Variants in AKAP10 observed in about 807,000 individuals in gnomAD.
The protein encoded by AKAP10 is A-kinase anchoring protein 10.
A neutral mutation model predicts 80.8 loss-of-function variants in AKAP10; 24 were observed. The observed-to-expected ratio is 0.30, with a 90% CI of 0.22 to 0.42. The LOEUF (loss-of-function observed/expected upper bound fraction) is 0.42. Among genes scored for constraint, AKAP10 ranks in the 10% least tolerant of loss-of-function variants. The probability of loss-of-function intolerance (pLI) is 1.00; values close to 1 mark genes in which losing one functional copy is unlikely to be tolerated. For synonymous variants in AKAP10, 291 were observed against 277.7 expected (o/e 1.05, Z -0.48); for missense variants, 661 against 794.9 (o/e 0.83, Z 2.03).
At position 19,957,526 on chromosome 17, in the gene AKAP10, C is replaced by T. The variant is rs2043292973; in HGVS notation, c.877+488G>A. On this transcript the variant is annotated intron_variant, in intron 4 of 14. Coordinates refer to ENST00000225737, the MANE Select transcript of AKAP10 (RefSeq NM_007202.4). Reference sequence around the variant, plus strand: ...CTCCAGCCTGGGCGACAGAGCAAGACTCCATCTCAAAAAAAAAAAGATAAT... The same window carrying T: ...CTCCAGCCTGGGCGACAGAGCAAGATTCCATCTCAAAAAAAAAAAGATAAT... 2.3e-5 allele frequency among the ~76,000 whole-genome samples: 3 copies of T among 128,668 alleles called. No individual in the cohort carries two copies. The South Asian group carries it at 6.9e-4, about 29-fold the overall frequency. 84.4% of individuals were successfully genotyped at this position (128,668 alleles called of 152,430 possible). A position where few individuals can be genotyped will look rare whatever the true frequency, so the allele number is the denominator to read the frequency against.
At chr17:19,949,383 G>T (rs1427350182) in intron 4 of AKAP10, among the ~76,000 whole-genome samples, 1 of 151,996 alleles carries the variant, frequency 6.6e-6, no homozygotes, top group East Asian at 1.9e-4. Flanking sequence ...AAGAAGTAAG[G>T]AAAGCCTCAG....
chr17:19,965,346 T>C (rs937174016), intron 2 of AKAP10, among the ~76,000 whole-genome samples: 4 of 152,238 alleles, frequency 2.6e-5, no homozygotes, highest in African/African-American at 9.6e-5. Context: ...CAAGTCTTTC[T>C]GTATTATAAC....
intron 8 of AKAP10, among the ~76,000 whole-genome samples, chr17:19,937,899 T>C (rs1263619551): frequency 6.6e-6 from 1 of 151,982 alleles, no homozygotes; most frequent in Non-Finnish European, 1.5e-5. Flanking sequence ...ATCTGGTATG[T>C]CTTCTAAAAA....
chr17:19,945,024 C>T (rs1037507134), intron 5 of AKAP10, among the ~76,000 whole-genome samples: 1 of 152,148 alleles, frequency 6.6e-6, no homozygotes, highest in South Asian at 2.1e-4. Flanking sequence ...ATAATTTGGA[C>T]AGGATTAAGA....
At chr17:19,913,153 GTTTT>G (rs71357404) in intron 12 of AKAP10, among the ~76,000 whole-genome samples, 1 of 108,956 alleles carries the variant, frequency 9.2e-6, no homozygotes. Context: ...CTGGCTAATT[GTTTT>G]TTTTTTTTTT....
At chr17:19,962,279 CATACATACATACATAT>C (rs2043359513) in intron 3 of AKAP10, among the ~76,000 whole-genome samples, 1 of 140,408 alleles carries the variant, frequency 7.1e-6, no homozygotes, top group African/African-American at 2.7e-5. Context: ...TACATACATA[CATACATACATACATAT>C]ACACACACAC....
chr17:19,971,477 C>G (rs2043497127), intron 1 of AKAP10, among the ~76,000 whole-genome samples: 1 of 151,098 alleles, frequency 6.6e-6, no homozygotes, highest in Non-Finnish European at 1.5e-5. Flanking sequence ...CCACTGCACT[C>G]CAGCCTGGGC....
chr17:19,919,895 T>A, intron 12 of AKAP10, 141 bp downstream of exon 12: 1 of 625,580 alleles, frequency 1.6e-6, no homozygotes, highest in Non-Finnish European at 2.6e-6. Flanking sequence ...CCCTTGTACT[T>A]ACTTCTGACT....
intron 14 of AKAP10, 70 bp downstream of exon 14, chr17:19,909,111 T>G: frequency 7.3e-7 from 1 of 1,361,906 alleles, no homozygotes; most frequent in Non-Finnish European, 1.0e-6. Flanking sequence ...AGAAACCCCT[T>G]ATGTTCTTTT....
intron 4 of AKAP10, among the ~76,000 whole-genome samples, chr17:19,954,573 C>T (rs1456331684): frequency 6.6e-6 from 1 of 151,520 alleles, no homozygotes; most frequent in African/African-American, 2.4e-5. Flanking sequence ...CAAGCTCCAC[C>T]TCCCGGGTTC....
At chr17:19,934,642 C>T (rs1055258742) in intron 9 of AKAP10, among the ~76,000 whole-genome samples, 9 of 152,192 alleles carry the variant, frequency 5.9e-5, no homozygotes, top group African/African-American at 1.9e-4. Context: ...CATTACCTTA[C>T]TTTAATCATC....
chr17:19,976,371 C>G, intron 1 of AKAP10, among the ~76,000 whole-genome samples: 1 of 151,782 alleles, frequency 6.6e-6, no homozygotes, highest in East Asian at 2.0e-4. Flanking sequence ...ATCCCAGCTA[C>G]TTGGGAGGCT....
At chr17:19,961,699 A>G (rs2043351269) in intron 3 of AKAP10, among the ~76,000 whole-genome samples, 2 of 152,354 alleles carry the variant, frequency 1.3e-5, no homozygotes, top group South Asian at 4.1e-4. Context: ...GGTCTCCTGC[A>G]TATGTTTTTG....
chr17:19,939,866 C>T lies in AKAP10; in HGVS notation c.1186-17G>A. ...TTCCATGTACTAGGAAGAAAAAATA[C>T]ACAAGGGAAAATAAGACTATAAACA... On this transcript the variant is annotated splice_polypyrimidine_tract_variant and intron_variant, in intron 7 of 14. Transcript: ENST00000225737. 6.2e-7 allele frequency: 1 copy of T among 1,606,938 alleles called. No homozygotes were observed.
At chr17:19,977,541 C>T (rs2043586361) in intron 1 of AKAP10, 51 bp downstream of exon 1, 1 of 1,217,490 alleles carries the variant, frequency 8.2e-7, no homozygotes, top group Non-Finnish European at 1.0e-6. Context: ...ACCTGCCCCA[C>T]CGCCGCCCCT....
At chr17:19,955,655 C>T (rs1252027058) in intron 4 of AKAP10, among the ~76,000 whole-genome samples, 2 of 151,956 alleles carry the variant, frequency 1.3e-5, no homozygotes, top group East Asian at 1.9e-4. Context: ...GCCAACATGG[C>T]GAAACCCCAT....
chr17:19,933,653 T>C (rs903743369), intron 9 of AKAP10, among the ~76,000 whole-genome samples: 2 of 152,220 alleles, frequency 1.3e-5, no homozygotes, highest in African/African-American at 2.4e-5. Flanking sequence ...GAAAATATTA[T>C]CATCATTGGG....
intron 9 of AKAP10, among the ~76,000 whole-genome samples, chr17:19,935,761 G>C (rs537996614): frequency 1.3e-5 from 2 of 151,978 alleles, no homozygotes; most frequent in African/African-American, 4.8e-5. Flanking sequence ...GCAGTAACAC[G>C]CATGGAGCCG....
At chr17:19,946,238 T>TAAA (rs1567765502) in intron 5 of AKAP10, among the ~76,000 whole-genome samples, 3 of 8,786 alleles carry the variant, frequency 3.4e-4, no homozygotes, top group African/African-American at 1.5e-3. Flanking sequence ...ATATATATAT[T>TAAA]ATATATATAT....
Sources: gnomAD v4.1 joint callset for allele counts (sites outside exome capture counted in the v4.1 genomes callset) on GRCh38, gnomAD v4.1.1 for gene constraint, MANE v1.5 for transcripts, NCBI Gene and HGNC (gene_info 2026-07-23, HGNC 2026-07-21) for gene names.